The following LRMDA variants were observed in gnomAD, a reference collection of about 807,000 sequenced individuals.
LRMDA encodes the protein leucine rich melanocyte differentiation associated, also known as leucine-rich melanocyte differentiation-associated protein.
Under a neutral mutation model 29.8 loss-of-function variants are expected in LRMDA, and 18 were observed. The ratio of observed to expected loss-of-function variants is 0.60; its 90% confidence interval spans 0.42 to 0.90. The LOEUF is 0.90. Among genes scored for constraint, LRMDA ranks in the 40% least tolerant of loss-of-function variants. The pLI is 0.00. For synonymous variants in LRMDA, 125 were observed against 109.4 expected (o/e 1.14, Z -0.89); for missense variants, 273 against 273.9 (o/e 1.00, Z 0.02).
At position 76,400,533 on chromosome 10, in the gene LRMDA, T is replaced by A. The variant is rs560036597; in HGVS notation, c.601+76048T>A. On this transcript the variant is annotated intron_variant, in intron 6 of 6. Coordinates refer to ENST00000611255, the MANE Select transcript of LRMDA (RefSeq NM_001305581.2). ...TGCTCAGAAATACTCAGTGTCTTCA[T>A]GATTCTTTGTCTTTGGCCTTGAACT... is the stretch of plus-strand genomic sequence containing the variant. Among the ~76,000 whole-genome samples the A allele has an allele frequency of 2.6e-5, 4 of 152,368 alleles. No homozygotes were observed. In the East Asian group the frequency reaches 7.7e-4, roughly 29 times the overall value.
chr10:75,999,507 A>T (rs1271645191), intron 2 of LRMDA, among the ~76,000 whole-genome samples: 1 of 152,260 alleles, frequency 6.6e-6, no homozygotes, highest in African/African-American at 2.4e-5. Flanking sequence ...GAATGAAAAA[A>T]ATAGATATAC....
chr10:76,110,869 G>A (rs1310255961), intron 5 of LRMDA, among the ~76,000 whole-genome samples: 1 of 152,066 alleles, frequency 6.6e-6, no homozygotes, highest in Non-Finnish European at 1.5e-5. Context: ...GGTAAAGAGT[G>A]TATTCACTAC....
chr10:76,047,153 A>G lies in LRMDA; in HGVS notation c.259-11A>G, dbSNP rs987702522. The stretch of plus-strand genomic sequence containing the variant: ...TTGTCTTACTGGACCAAGATTCTTA[A>G]CCTTTGTCACATCACTGATTTGGAG... On this transcript the variant is annotated splice_polypyrimidine_tract_variant and intron_variant, in intron 3 of 6. Transcript: ENST00000611255. 6 of 1,613,688 alleles carry G rather than the reference A, an allele frequency of 3.7e-6. No individual in the cohort carries two copies. The highest frequency in any genetic ancestry group is 5.1e-6 in the Non-Finnish European group (6 of 1,179,862).
At chr10:76,207,951 G>A (rs895470903) in intron 5 of LRMDA, among the ~76,000 whole-genome samples, 1 of 151,918 alleles carries the variant, frequency 6.6e-6, no homozygotes, top group Non-Finnish European at 1.5e-5. Flanking sequence ...GTGACAGAAC[G>A]AGACTCCATC....
chr10:76,262,006 G>A (rs930586708), intron 5 of LRMDA, among the ~76,000 whole-genome samples: 2 of 152,104 alleles, frequency 1.3e-5, no homozygotes, highest in East Asian at 1.9e-4. Context: ...GCTGAGGTGG[G>A]AGGATCTCTT....
intron 6 of LRMDA, among the ~76,000 whole-genome samples, chr10:76,422,865 C>T (rs1452923232): frequency 6.6e-6 from 1 of 152,134 alleles, no homozygotes; most frequent in Non-Finnish European, 1.5e-5. Flanking sequence ...TTGTTCTTTC[C>T]AATGGATTTA....
At chr10:76,401,243 G>A (rs1841845140) in intron 6 of LRMDA, among the ~76,000 whole-genome samples, 1 of 152,134 alleles carries the variant, frequency 6.6e-6, no homozygotes, top group Non-Finnish European at 1.5e-5. Flanking sequence ...GTATGTTCTT[G>A]TTCATGAAGA....
intron 5 of LRMDA, among the ~76,000 whole-genome samples, chr10:76,323,238 C>G (rs1840793254): frequency 6.6e-6 from 1 of 152,080 alleles, no homozygotes; most frequent in African/African-American, 2.4e-5. Flanking sequence ...GCCGCTTAGT[C>G]AAACGTCTCA....
At chr10:75,618,382 C>CTCTCTCTCTATATA (rs1338091170) in intron 2 of LRMDA, among the ~76,000 whole-genome samples, 1 of 77,022 alleles carries the variant, frequency 1.3e-5, no homozygotes, top group African/African-American at 4.2e-5. Context: ...CTCTCTCTCT[C>CTCTCTCTCTATATA]TATATATATA....
chr10:75,747,951 A>G (rs1842908680), intron 2 of LRMDA, among the ~76,000 whole-genome samples: 1 of 152,264 alleles, frequency 6.6e-6, no homozygotes, highest in East Asian at 1.9e-4. Flanking sequence ...GGCTCCTAAT[A>G]AATAAAAAAC....
chr10:76,185,794 CA>C (rs1851137852), intron 5 of LRMDA, among the ~76,000 whole-genome samples: 1 of 152,114 alleles, frequency 6.6e-6, no homozygotes, highest in Admixed American at 6.5e-5. Flanking sequence ...GCTCAAAGTA[CA>C]TTTTTTTTTA....
At chr10:76,002,882 G>A (rs550156379) in intron 2 of LRMDA, among the ~76,000 whole-genome samples, 2 of 152,282 alleles carry the variant, frequency 1.3e-5, no homozygotes, top group Admixed American at 6.5e-5. Context: ...CTGGGCCTGG[G>A]GATGATTCAG....
chr10:76,291,579 C>T (rs979131712), intron 5 of LRMDA, among the ~76,000 whole-genome samples: 3 of 152,044 alleles, frequency 2.0e-5, no homozygotes, highest in African/African-American at 7.2e-5. Flanking sequence ...TTCTTGATAC[C>T]TTAATGATCA....
At chr10:76,085,209 G>A (rs1407687499) in intron 5 of LRMDA, among the ~76,000 whole-genome samples, 2 of 152,156 alleles carry the variant, frequency 1.3e-5, no homozygotes, top group South Asian at 2.1e-4. Context: ...GGAGCTGTCA[G>A]GCATATGGAC....
At chr10:76,189,952 G>A (rs539467384) in intron 5 of LRMDA, among the ~76,000 whole-genome samples, 88 of 152,242 alleles carry the variant, frequency 5.8e-4, no homozygotes, top group African/African-American at 2.1e-3. Flanking sequence ...ATCTGGCTAC[G>A]CACCGCAACT....
intron 2 of LRMDA, among the ~76,000 whole-genome samples, chr10:75,553,290 C>A (rs1215984120): frequency 6.6e-6 from 1 of 152,166 alleles, no homozygotes; most frequent in Non-Finnish European, 1.5e-5. Context: ...TCAAATTCTT[C>A]CAGTGGTGGC....
chr10:75,640,143 G>A (rs761906415), intron 2 of LRMDA, among the ~76,000 whole-genome samples: 4 of 152,216 alleles, frequency 2.6e-5, no homozygotes, highest in African/African-American at 9.6e-5. Flanking sequence ...GAGCAGGCGG[G>A]AGAGAAACTT....
At chr10:76,527,913 A>G (rs78617412) in intron 6 of LRMDA, among the ~76,000 whole-genome samples, 3,033 of 152,250 alleles carry the variant, frequency 0.02, 53 homozygotes, top group South Asian at 0.1. Flanking sequence ...TATGTTGGAG[A>G]TACAAAAATG....
At chr10:76,536,478 A>G (rs764456760) in intron 6 of LRMDA, among the ~76,000 whole-genome samples, 8 of 152,108 alleles carry the variant, frequency 5.3e-5, no homozygotes, top group Non-Finnish European at 1.2e-4. Flanking sequence ...GAAGCTCTCC[A>G]GGTGATTCTG....
Sources: allele counts gnomAD v4.1 joint callset (sites outside exome capture counted in the v4.1 genomes callset), GRCh38; gene constraint gnomAD v4.1.1; transcripts MANE v1.5; gene names NCBI Gene and HGNC (gene_info 2026-07-23, HGNC 2026-07-21).